The following SLC17A1 variants were observed in gnomAD, a reference collection of about 807,000 sequenced individuals.
The protein encoded by SLC17A1 is sodium-dependent phosphate transport protein 1.
In SLC17A1, 51 loss-of-function variants were observed where a neutral mutation model predicts 53.5. The ratio of observed to expected loss-of-function variants is 0.95; its 90% CI spans 0.76 to 1.20. SLC17A1 has a LOEUF of 1.20. Ranked by LOEUF, SLC17A1 falls within the 50% of genes most tolerant of loss-of-function variation. The pLI is 0.00. For synonymous variants in SLC17A1, 179 were observed against 198.8 expected (o/e 0.90, Z 0.84); for missense variants, 538 against 568.2 (o/e 0.95, Z 0.54).
rs533768954 is a variant in SLC17A1, at chr6:25,814,978, C to T, written c.617-1765G>A. 2.2e-4 allele frequency among the ~76,000 whole-genome samples: 26 copies of T among 119,606 alleles called. No individual in the cohort carries two copies. The South Asian group carries it at 3.5e-3, about 16-fold the overall frequency. 78.5% of individuals were successfully genotyped at this position (119,606 alleles called of 152,430 possible). A position where few individuals can be genotyped will look rare whatever the true frequency, so the allele number is the denominator to read the frequency against. On this transcript the variant is annotated intron_variant, in intron 6 of 12. Transcript: ENST00000244527. ...TCCAGGCTGGCCGACAAAAGCAAGA[C>T]TCTGTCACACAAACACACACACACA...
At chr6:25,770,112 A>T in the SLC17A1 span, 1 of 1,614,070 alleles carries the variant, frequency 6.2e-7, no homozygotes, top group East Asian at 2.2e-5. Context: ...AATCATCCTC[A>T]GCTCCCTCAA....
the SLC17A1 span, among the ~76,000 whole-genome samples, chr6:25,771,383 G>T: frequency 7.3e-4 from 111 of 152,148 alleles, 1 homozygote; most frequent in East Asian, 0.015. Flanking sequence ...AAACCAGCCT[G>T]GCCAACATGG....
the SLC17A1 span, among the ~76,000 whole-genome samples, chr6:25,745,373 C>T: frequency 2.0e-4 from 31 of 152,120 alleles, no homozygotes; most frequent in Non-Finnish European, 3.8e-4. Flanking sequence ...TGTATATGTA[C>T]GTATTCACTT....
At chr6:25,778,548 T>C (rs1231378189), downstream of SLC17A1, among the ~76,000 whole-genome samples, 1 of 152,126 alleles carries the variant, frequency 6.6e-6, no homozygotes, top group Non-Finnish European at 1.5e-5. Flanking sequence ...ATTCAATAAA[T>C]ATTAAACAGT....
intron 10 of SLC17A1, among the ~76,000 whole-genome samples, chr6:25,809,279 T>C (rs1367586073): frequency 1.3e-5 from 2 of 151,970 alleles, no homozygotes; most frequent in East Asian, 1.9e-4. Context: ...AAAAAATTAC[T>C]TAATAGGTAT....
the SLC17A1 span, among the ~76,000 whole-genome samples, chr6:25,755,236 C>T: frequency 5.4e-4 from 82 of 152,084 alleles, no homozygotes; most frequent in African/African-American, 1.9e-3. Context: ...TTTCATCATG[C>T]CTAAAAAATT....
chr6:25,736,434 T>A, the SLC17A1 span, among the ~76,000 whole-genome samples: 1 of 152,164 alleles, frequency 6.6e-6, no homozygotes, highest in Non-Finnish European at 1.5e-5. Context: ...TTGTTCTTAA[T>A]CAGGGTGTGC....
intron 2 of SLC17A1, among the ~76,000 whole-genome samples, chr6:25,828,876 G>GA (rs1250886170): frequency 6.6e-6 from 1 of 151,886 alleles, no homozygotes; most frequent in Non-Finnish European, 1.5e-5. Context: ...AAATGCTAAG[G>GA]AAAATCTCTG....
At chr6:25,787,892 G>A (rs1048073734) in intron 12 of SLC17A1, among the ~76,000 whole-genome samples, 2 of 152,132 alleles carry the variant, frequency 1.3e-5, no homozygotes, top group Non-Finnish European at 2.9e-5. Context: ...GGGGGAAAAG[G>A]AGTTTCCTCT....
chr6:25,807,602 C>T (rs1482770323), intron 10 of SLC17A1, among the ~76,000 whole-genome samples: 1 of 151,952 alleles, frequency 6.6e-6, no homozygotes, highest in Non-Finnish European at 1.5e-5. Context: ...TATTTTAACC[C>T]TCACTCCCCT....
chr6:25,770,987 A>G, the SLC17A1 span: 15 of 1,613,774 alleles, frequency 9.3e-6, no homozygotes, highest in Non-Finnish European at 1.3e-5. Context: ...AGACCATAGG[A>G]TGGCCTTACG....
At chr6:25,757,454 G>A in the SLC17A1 span, among the ~76,000 whole-genome samples, 3 of 151,912 alleles carry the variant, frequency 2.0e-5, no homozygotes, top group African/African-American at 7.3e-5. Context: ...TTGCTTATTT[G>A]TAGTCTTCAA....
the SLC17A1 span, among the ~76,000 whole-genome samples, chr6:25,768,057 C>A: frequency 6.6e-6 from 1 of 152,164 alleles, no homozygotes; most frequent in Non-Finnish European, 1.5e-5. Flanking sequence ...GACAATCCTA[C>A]AAATGTGGCA....
the SLC17A1 span, among the ~76,000 whole-genome samples, chr6:25,741,026 G>T: frequency 6.6e-6 from 1 of 151,468 alleles, no homozygotes; most frequent in Non-Finnish European, 1.5e-5. Context: ...AAAGGTGGAG[G>T]AGGTGGTAGG....
At chr6:25,756,243 A>G in the SLC17A1 span, among the ~76,000 whole-genome samples, 13 of 152,106 alleles carry the variant, frequency 8.5e-5, no homozygotes, top group Non-Finnish European at 1.3e-4. Flanking sequence ...TTCACTCTGC[A>G]TCGCCATGTT....
chr6:25,820,555 T>C (rs1214992837), intron 3 of SLC17A1, among the ~76,000 whole-genome samples: 1 of 152,154 alleles, frequency 6.6e-6, no homozygotes, highest in African/African-American at 2.4e-5. Flanking sequence ...ATTCCTAGGT[T>C]AGAGGGCCTT....
chr6:25,756,723 A>T, the SLC17A1 span, among the ~76,000 whole-genome samples: 1 of 152,212 alleles, frequency 6.6e-6, no homozygotes, highest in African/African-American at 2.4e-5. Context: ...ATGAGAACTA[A>T]GTTCTTCAGT....
At chr6:25,770,052 CTCTT>C in the SLC17A1 span, 1 of 1,611,492 alleles carries the variant, frequency 6.2e-7, no homozygotes, top group South Asian at 1.1e-5. Flanking sequence ...AACAGTAACT[CTCTT>C]TGTCATCTAG....
At chr6:25,754,724 A>G in the SLC17A1 span, 7 of 152,234 alleles carry the variant, frequency 4.6e-5, no homozygotes, top group African/African-American at 1.7e-4. Flanking sequence ...AGACAATTGC[A>G]AAGAGCTTAG....
Sources: gnomAD v4.1 joint callset for allele counts (sites outside exome capture counted in the v4.1 genomes callset) on GRCh38, gnomAD v4.1.1 for gene constraint, MANE v1.5 for transcripts, NCBI Gene and HGNC (gene_info 2026-07-23, HGNC 2026-07-21) for gene names.